Variants in LPCAT1 observed in about 807,000 individuals in gnomAD.
LPCAT1 encodes 1-acylglycerol-3-phosphate O-acyltransferase.
LPCAT1 carries 23 observed loss-of-function variants against 60.9 expected under a neutral mutation model. The ratio of observed to expected loss-of-function variants is 0.38; its 90% confidence interval spans 0.27 to 0.53. LPCAT1 has a LOEUF of 0.53. Among genes scored for constraint, LPCAT1 ranks in the 20% least tolerant of loss-of-function variants. LPCAT1 has a pLI of 0.82. For missense variants in LPCAT1, 622 were observed against 723.6 expected (o/e 0.86, Z 1.61); for synonymous variants, 340 against 301.1 (o/e 1.13, Z -1.34).
chr5:1,465,412 T>C (rs1302413379), intron 13 of LPCAT1, among the ~76,000 whole-genome samples: 84 of 126,618 alleles, frequency 6.6e-4, no homozygotes, highest in Middle Eastern at 7.5e-3. Flanking sequence ...ACATGGTAAC[T>C]ACACACATGC....
At chr5:1,503,767 C>T (rs1241109090) in intron 1 of LPCAT1, among the ~76,000 whole-genome samples, 1 of 150,026 alleles carries the variant, frequency 6.7e-6, no homozygotes, top group Non-Finnish European at 1.5e-5. Context: ...CTGTTTTTGT[C>T]AATGGGGAAG....
chr5:1,490,763 G>A (rs537611650), intron 3 of LPCAT1, among the ~76,000 whole-genome samples: 1 of 152,320 alleles, frequency 6.6e-6, no homozygotes, highest in African/African-American at 2.4e-5. Context: ...TATGCAAGAG[G>A]ATTGAACGTG....
chr5:1,480,210 A>T lies in LPCAT1; in HGVS notation c.762-535T>A. On this transcript the variant is annotated intron_variant, in intron 7 of 13. Coordinates refer to ENST00000283415, the MANE Select transcript of LPCAT1 (RefSeq NM_024830.5). The surrounding 1 kb of genome is among the most constrained non-coding windows in gnomAD (Gnocchi z 6.4). ...CCAGCCCCAGCCCTAGGCCCCCGGG[A>T]CCCCAGAACCCCTATACCCCCCAGA... The T allele has an allele frequency of 1.5e-5, 3 of 205,162 alleles. No individual in the cohort carries two copies. The highest frequency in any genetic ancestry group is 2.5e-5 in the Non-Finnish European group (3 of 122,200). The allele number at this position is 205,162 out of a possible 1,614,324, so 12.7% of individuals were successfully genotyped here.
At chr5:1,503,033 G>A (rs370983711) in intron 1 of LPCAT1, among the ~76,000 whole-genome samples, 3 of 152,208 alleles carry the variant, frequency 2.0e-5, no homozygotes, top group East Asian at 3.8e-4. Context: ...CTTGGATTGT[G>A]CAGTGTGCAT....
chr5:1,490,378 A>G (rs1461232070), intron 3 of LPCAT1, among the ~76,000 whole-genome samples: 1 of 152,174 alleles, frequency 6.6e-6, no homozygotes, highest in African/African-American at 2.4e-5. Context: ...AGAGGAGACA[A>G]AGCAGATGCT....
intron 1 of LPCAT1, among the ~76,000 whole-genome samples, chr5:1,507,170 C>T (rs529426325): frequency 5.6e-4 from 85 of 152,254 alleles, no homozygotes; most frequent in African/African-American, 1.9e-3. Flanking sequence ...CAGGCCTCCA[C>T]GCGGCAGCCA....
chr5:1,509,039 C>T (rs906351331), intron 1 of LPCAT1, among the ~76,000 whole-genome samples: 1 of 152,270 alleles, frequency 6.6e-6, no homozygotes, highest in Non-Finnish European at 1.5e-5. Context: ...CGCAGGGATG[C>T]TGCGGCCCCT....
chr5:1,516,996 G>A (rs1045842982), intron 1 of LPCAT1, among the ~76,000 whole-genome samples: 2 of 152,178 alleles, frequency 1.3e-5, no homozygotes, highest in African/African-American at 2.4e-5. Context: ...TATCCCCCAG[G>A]GTTGCAAAAT....
rs1736676596 is a variant in LPCAT1 at position 1,521,542 on chromosome 5, A to G, written c.135+2168T>C. The G allele has an allele frequency of 1.1e-6, 1 of 937,090 alleles. No homozygotes were observed. The highest frequency in any genetic ancestry group is 1.3e-6 in the Non-Finnish European group (1 of 785,916). The allele number at this position is 937,090 out of a possible 1,614,324, so 58.0% of individuals were successfully genotyped here. A position where few individuals can be genotyped will look rare whatever the true frequency, so the allele number is the denominator to read the frequency against. On this transcript the variant is annotated intron_variant, in intron 1 of 13. Coordinates refer to ENST00000283415, the MANE Select transcript of LPCAT1 (RefSeq NM_024830.5). The surrounding 1 kb of genome is among the most constrained non-coding windows in gnomAD (Gnocchi z 4.3). ...GCAAAGCAATGCTTGGTGAAAAGCAAAATGTTTCTGCAGAGAACTTTGAGA... is the reference window on the plus strand; with the variant it reads ...GCAAAGCAATGCTTGGTGAAAAGCAGAATGTTTCTGCAGAGAACTTTGAGA...
chr5:1,461,552 C>G lies in LPCAT1; in HGVS notation c.*2099G>C, dbSNP rs1393474014. ...GGCCAGGGCCCATGCCCCACCTGCC[C>G]ACGGGTCTGGCCCCCAGGCCACCAG... is the stretch of plus-strand genomic sequence containing the variant. On this transcript the variant is annotated 3_prime_UTR_variant, in exon 14 of 14. Coordinates refer to ENST00000283415, the MANE Select transcript of LPCAT1 (RefSeq NM_024830.5). The G allele has an allele frequency of 6.5e-6, 1 of 152,706 alleles. No homozygotes were observed. Among genetic ancestry groups the G allele is most frequent in the African/African-American group, 2.4e-5 (1 of 41,464 alleles). 9.5% of individuals were successfully genotyped at this position (152,706 alleles called of 1,614,324 possible).
At position 1,523,519 on chromosome 5, in the gene LPCAT1, G is replaced by A. The variant is rs1302314472; in HGVS notation, c.135+191C>T. On this transcript the variant is annotated intron_variant, in intron 1 of 13. Transcript: ENST00000283415. The surrounding 1 kb of genome is among the most constrained non-coding windows in gnomAD (Gnocchi z 7.1). ...GCGGGCGGCGGGAAGCCGGCGCCGA[G>A]ACCGAGGCATCGGGTGCGGGCGGCG... Among the ~76,000 whole-genome samples, 1 of 150,934 alleles carries A rather than the reference G, an allele frequency of 6.6e-6. No homozygotes were observed. The highest frequency in any genetic ancestry group is 1.5e-5 in the Non-Finnish European group (1 of 67,594).
At position 1,503,652 on chromosome 5, in the gene LPCAT1, C is replaced by G. The variant is rs142358507; in HGVS notation, c.136-2049G>C. Among the ~76,000 whole-genome samples the G allele has an allele frequency of 2.6e-3, 397 of 152,330 alleles. 2 individuals carry two copies. The highest frequency in any genetic ancestry group is 0.01 in the Middle Eastern group (3 of 294). On this transcript the variant is annotated intron_variant, in intron 1 of 13. Transcript: ENST00000283415. ...CCAGCGGCTTCCTCGTGCAGTCGCC[C>G]TACGAAACCAGCGTGCACCCATGCC...
intron 1 of LPCAT1, among the ~76,000 whole-genome samples, chr5:1,516,593 A>G (rs1736514260): frequency 1.3e-5 from 2 of 151,330 alleles, no homozygotes; most frequent in South Asian, 2.1e-4. Context: ...AGGGTTTTAA[A>G]ACATTTAGAA....
In LPCAT1 at chr5:1,462,687, G is replaced by A. The variant is rs2036391; in HGVS notation, c.*964C>T. ...GCTTCCAGCAGGGACCTGGCCTGAG[G>A]GCAAGGGAGGAGCGGCACGGCGGCG... On this transcript the variant is annotated 3_prime_UTR_variant, in exon 14 of 14. Coordinates refer to ENST00000283415, the MANE Select transcript of LPCAT1 (RefSeq NM_024830.5). 0.058 allele frequency: 8,838 copies of A among 152,336 alleles called. 289 individuals carry two copies. The highest frequency in any genetic ancestry group is 0.092 in the Middle Eastern group (27 of 294). The allele number at this position is 152,336 out of a possible 1,614,324, so 9.4% of individuals were successfully genotyped here.
At position 1,521,506 on chromosome 5, in the gene LPCAT1, G is replaced by C. The variant is rs914341555; in HGVS notation, c.135+2204C>G. 4.1e-6 allele frequency: 4 copies of C among 984,754 alleles called. No individual in the cohort carries two copies. In the African/African-American group the frequency reaches 7.0e-5, roughly 17 times the overall value. 61.0% of individuals were successfully genotyped at this position (984,754 alleles called of 1,614,324 possible). A position where few individuals can be genotyped will look rare whatever the true frequency, so the allele number is the denominator to read the frequency against. Reference sequence around the variant, plus strand: ...CTTTACAAGAATATATCACATCAAAGTAAAAGCTTTGCAAAGCAATGCTTG... The same window carrying C: ...CTTTACAAGAATATATCACATCAAACTAAAAGCTTTGCAAAGCAATGCTTG... On this transcript the variant is annotated intron_variant, in intron 1 of 13. Coordinates refer to ENST00000283415, the MANE Select transcript of LPCAT1 (RefSeq NM_024830.5). This position sits in a 1 kb window ranked among gnomAD's most constrained non-coding sequence, Gnocchi z 4.3.
chr5:1,473,222 T>A (rs951262728), intron 11 of LPCAT1, among the ~76,000 whole-genome samples: 36 of 152,352 alleles, frequency 2.4e-4, no homozygotes, highest in African/African-American at 8.4e-4. Flanking sequence ...CATCTCATGC[T>A]GTCACGGGAC....
In LPCAT1 at chr5:1,480,835, C is replaced by G; in HGVS notation, c.761+107G>C. The G allele has an allele frequency of 7.3e-7, 1 of 1,363,130 alleles. No individual in the cohort carries two copies. Among genetic ancestry groups the G allele is most frequent in the South Asian group, 1.2e-5 (1 of 86,096 alleles). The allele number at this position is 1,363,130 out of a possible 1,614,324, so 84.4% of individuals were successfully genotyped here. A position where few individuals can be genotyped will look rare whatever the true frequency, so the allele number is the denominator to read the frequency against. ...GCTGAACCTAACGGCTGTCCCACAC[C>G]TGCTTTCACAACTGCAAAAGTAACT... On this transcript the variant is annotated intron_variant, in intron 7 of 13. Transcript: ENST00000283415. This position sits in a 1 kb window ranked among gnomAD's most constrained non-coding sequence, Gnocchi z 6.4.
chr5:1,499,425 T>C (rs1560982925), intron 2 of LPCAT1, among the ~76,000 whole-genome samples: 1 of 152,218 alleles, frequency 6.6e-6, no homozygotes, highest in Non-Finnish European at 1.5e-5. Context: ...GAACCCCCAC[T>C]TTCTAGCTGT....
intron 5 of LPCAT1, among the ~76,000 whole-genome samples, chr5:1,484,792 T>C (rs1406817105): frequency 6.6e-6 from 1 of 152,220 alleles, no homozygotes; most frequent in East Asian, 1.9e-4. Flanking sequence ...GCACCCCAAG[T>C]CCCTGGGCCC....
Sources: gnomAD v4.1 joint callset for allele counts (sites outside exome capture counted in the v4.1 genomes callset) on GRCh38, gnomAD v4.1.1 for gene constraint, Gnocchi (gnomAD v3.1) non-coding constraint, MANE v1.5 for transcripts, NCBI Gene and HGNC (gene_info 2026-07-23, HGNC 2026-07-21) for gene names.